The following KCNJ3 variants were observed in gnomAD, a reference collection of about 807,000 sequenced individuals.
KCNJ3 encodes potassium inwardly rectifying channel subfamily J member 3, also known as G protein-activated inward rectifier potassium channel 1.
A neutral mutation model predicts 39.2 loss-of-function variants in KCNJ3; 4 were observed. The ratio of observed to expected loss-of-function variants is 0.10; its 90% CI spans 0.05 to 0.23. KCNJ3 has a LOEUF of 0.23. KCNJ3 is among the 10% of genes least tolerant of loss of function. The pLI, the probability that KCNJ3 is intolerant of heterozygous loss-of-function variation, is 1.00. For synonymous variants in KCNJ3, 230 were observed against 237.4 expected, an observed-to-expected ratio of 0.97 and a Z score of 0.29; for missense variants, 276 against 634.9, an observed-to-expected ratio of 0.43 and a Z score of 6.08.
intron 2 of KCNJ3, among the ~76,000 whole-genome samples, chr2:154,797,792 T>C (rs1007606660): frequency 4.6e-5 from 7 of 152,160 alleles, no homozygotes; most frequent in African/African-American, 9.7e-5. Flanking sequence ...TCCCTTTAGA[T>C]TGAACATTCA....
At chr2:154,828,390 G>C (rs1054619899) in intron 2 of KCNJ3, among the ~76,000 whole-genome samples, 1 of 152,168 alleles carries the variant, frequency 6.6e-6, no homozygotes, top group Non-Finnish European at 1.5e-5. Context: ...GAAGGGAAGC[G>C]TGGAAGTTCC....
intron 2 of KCNJ3, among the ~76,000 whole-genome samples, chr2:154,752,532 C>T (rs1304620553): frequency 6.6e-6 from 1 of 151,946 alleles, no homozygotes; most frequent in Non-Finnish European, 1.5e-5. Flanking sequence ...TTATATGGTA[C>T]ATTATTAACT....
chr2:154,803,203 T>C (rs1323926024), intron 2 of KCNJ3, among the ~76,000 whole-genome samples: 1 of 152,018 alleles, frequency 6.6e-6, no homozygotes, highest in Non-Finnish European at 1.5e-5. Context: ...GGATTTTTCA[T>C]ATTCAGAGAA....
chr2:154,812,922 G>A (rs759662793), intron 2 of KCNJ3, among the ~76,000 whole-genome samples: 7 of 152,100 alleles, frequency 4.6e-5, no homozygotes, highest in Non-Finnish European at 8.8e-5. Context: ...TGAGCACTTT[G>A]TGTATATCTT....
chr2:154,727,299 T>C (rs1197984281), intron 2 of KCNJ3, among the ~76,000 whole-genome samples: 1 of 151,964 alleles, frequency 6.6e-6, no homozygotes, highest in South Asian at 2.1e-4. Context: ...GAAAAGAGCA[T>C]GAATGGCCGT....
intron 2 of KCNJ3, among the ~76,000 whole-genome samples, chr2:154,730,818 G>A (rs1323362476): frequency 6.6e-6 from 1 of 151,990 alleles, no homozygotes; most frequent in Non-Finnish European, 1.5e-5. Context: ...TGCCCTTCCA[G>A]TAGATGGCTC....
rs114810292 is a variant in KCNJ3 at position 154,809,725 on chromosome 2, G to A, written c.920-45002G>A. ...CTCATATAGAGCAATAACATACTTT[G>A]CAAAGTGGTATCTTATCCACAATAA... On this transcript the variant is annotated intron_variant, in intron 2 of 2. Transcript: ENST00000295101. Among the ~76,000 whole-genome samples, 980 of 152,178 alleles carry A rather than the reference G, an allele frequency of 6.4e-3. 6 individuals are homozygous for A. Among genetic ancestry groups the A allele is most frequent in the African/African-American group, 0.011 (475 of 41,528 alleles).
intron 2 of KCNJ3, among the ~76,000 whole-genome samples, chr2:154,851,573 T>C (rs897004570): frequency 6.6e-6 from 1 of 152,238 alleles, no homozygotes; most frequent in Non-Finnish European, 1.5e-5. Context: ...TCACAAGCTA[T>C]TTAATAGTGG....
At chr2:154,739,465 C>T (rs974064709) in intron 2 of KCNJ3, among the ~76,000 whole-genome samples, 2 of 152,066 alleles carry the variant, frequency 1.3e-5, no homozygotes, top group South Asian at 4.1e-4. Flanking sequence ...GTTGGTTACT[C>T]TCTTTTTCTC....
intron 2 of KCNJ3, among the ~76,000 whole-genome samples, chr2:154,743,245 C>T (rs958607540): frequency 3.3e-5 from 5 of 151,706 alleles, no homozygotes; most frequent in African/African-American, 1.2e-4. Context: ...TATACCAGTA[C>T]CACACTGTTT....
intron 2 of KCNJ3, among the ~76,000 whole-genome samples, chr2:154,737,521 T>A (rs541367370): frequency 4.1e-4 from 62 of 152,088 alleles, no homozygotes; most frequent in African/African-American, 1.4e-3. Flanking sequence ...AGGAGAAAAA[T>A]CAATCCAGGA....
At chr2:154,726,972 G>A (rs1010555140) in intron 2 of KCNJ3, among the ~76,000 whole-genome samples, 51 of 151,934 alleles carry the variant, frequency 3.4e-4, no homozygotes, top group African/African-American at 1.1e-3. Context: ...CTATGAGGAC[G>A]CAAAGGCATA....
chr2:154,786,126 C>T (rs76004179), intron 2 of KCNJ3, among the ~76,000 whole-genome samples: 1 of 152,294 alleles, frequency 6.6e-6, no homozygotes, highest in East Asian at 1.9e-4. Flanking sequence ...AGTAGAAGCA[C>T]AGCTCACTCA....
intron 2 of KCNJ3, among the ~76,000 whole-genome samples, chr2:154,803,426 C>A (rs1374063431): frequency 6.6e-6 from 1 of 151,672 alleles, no homozygotes; most frequent in Admixed American, 6.6e-5. Flanking sequence ...TAAAATAGTT[C>A]ACACGCACTA....
Position 154,857,277 on chromosome 2 carries a change from A to G in KCNJ3, c.*1964A>G, listed in dbSNP as rs1687854930. 1 of 152,144 alleles carries G rather than the reference A, an allele frequency of 6.6e-6. No homozygotes were observed. Among genetic ancestry groups the G allele is most frequent in the Admixed American group, 6.5e-5 (1 of 15,268 alleles). 9.4% of individuals were successfully genotyped at this position (152,144 alleles called of 1,614,324 possible). On this transcript the variant is annotated 3_prime_UTR_variant, in exon 3 of 3. Coordinates refer to ENST00000295101, the MANE Select transcript of KCNJ3 (RefSeq NM_002239.4). ...GTATATTTATCAGCAGTGGAAAAAA[A>G]GTGCATAGATCATTTAGTCCAAGAA...
intron 2 of KCNJ3, among the ~76,000 whole-genome samples, chr2:154,813,241 A>G (rs1178251610): frequency 2.0e-5 from 3 of 152,098 alleles, no homozygotes; most frequent in Non-Finnish European, 2.9e-5. Context: ...TCTGCCAGGC[A>G]CAGAGATCTT....
intron 2 of KCNJ3, among the ~76,000 whole-genome samples, chr2:154,764,688 T>C (rs1229135570): frequency 7.8e-5 from 11 of 140,844 alleles, no homozygotes; most frequent in Non-Finnish European, 1.7e-4. Flanking sequence ...GCCCTAACAA[T>C]AGCTGATAAT....
intron 2 of KCNJ3, among the ~76,000 whole-genome samples, chr2:154,735,102 T>TGTGTGTGTGTGTGTGTGTGTGTG (rs746877275): frequency 1.6e-4 from 25 of 151,880 alleles, no homozygotes; most frequent in African/African-American, 4.8e-4. Flanking sequence ...TGTGTGTGTG[T>TGTGTGTGTGTGTGTGTGTGTGTG]TTGAGACGGA....
At chr2:154,776,352 A>ACCCCCAACCCCCATCTGC in intron 2 of KCNJ3, among the ~76,000 whole-genome samples, 1 of 151,194 alleles carries the variant, frequency 6.6e-6, no homozygotes, top group Non-Finnish European at 1.5e-5. Context: ...TCCCTTTCCC[A>ACCCCCAACCCCCATCTGC]CCCCCAACCC....
Sources: gnomAD v4.1 joint callset for allele counts (sites outside exome capture counted in the v4.1 genomes callset) on GRCh38, gnomAD v4.1.1 for gene constraint, MANE v1.5 for transcripts, NCBI Gene and HGNC (gene_info 2026-07-23, HGNC 2026-07-21) for gene names.